PCDHA1: variants seen among roughly 807,000 people sequenced by gnomAD.
The protein encoded by PCDHA1 is protocadherin alpha 1.
PCDHA1 carries 42 observed loss-of-function variants against 61.3 expected under a neutral mutation model. That is an observed-to-expected ratio of 0.69 (90% confidence interval 0.54 to 0.89). The LOEUF (loss-of-function observed/expected upper bound fraction) is 0.89. PCDHA1 is among the 40% of genes least tolerant of loss of function. The probability of loss-of-function intolerance (pLI) is 0.00; values close to 1 mark genes in which losing one functional copy is unlikely to be tolerated. For missense variants in PCDHA1, 1,256 were observed against 1,235.3 expected (o/e 1.02, Z -0.25); for synonymous variants, 610 against 553.8 (o/e 1.10, Z -1.43).
At chr5:140,958,810 G>T (rs2095443726) in intron 1 of PCDHA1, among the ~76,000 whole-genome samples, 1 of 151,988 alleles carries the variant, frequency 6.6e-6, no homozygotes, top group Non-Finnish European at 1.5e-5. Context: ...ACACCATTCT[G>T]TTTTAATTTT....
At chr5:140,912,810 A>G (rs887666910) in intron 1 of PCDHA1, among the ~76,000 whole-genome samples, 16 of 152,202 alleles carry the variant, frequency 1.1e-4, no homozygotes, top group African/African-American at 3.6e-4. Flanking sequence ...GGTTTTTATC[A>G]TAAAGGGATT....
At chr5:140,818,367 A>C (rs1766343282) in intron 1 of PCDHA1, among the ~76,000 whole-genome samples, 1 of 152,220 alleles carries the variant, frequency 6.6e-6, no homozygotes, top group African/African-American at 2.4e-5. Context: ...TTGAATTCTT[A>C]ACTTGAATCG....
intron 3 of PCDHA1, among the ~76,000 whole-genome samples, chr5:141,004,893 C>A (rs1339074840): frequency 1.3e-5 from 2 of 152,154 alleles, no homozygotes; most frequent in African/African-American, 4.8e-5. Flanking sequence ...ATTGTGTCAG[C>A]TCTGCCAGGG....
intron 1 of PCDHA1, chr5:140,877,657 G>A: frequency 6.2e-7 from 1 of 1,613,570 alleles, no homozygotes; most frequent in Non-Finnish European, 8.5e-7. Flanking sequence ...GCCGCCCACC[G>A]TGAGCCGGTG....
In PCDHA1 at chr5:140,797,390, T is replaced by C. The variant is rs782688551; in HGVS notation, c.2394+8706T>C. The C allele has an allele frequency of 4.4e-6, 7 of 1,584,260 alleles. No individual in the cohort carries two copies. In the Middle Eastern group the frequency reaches 5.1e-4, roughly 115 times the overall value. On this transcript the variant is annotated intron_variant, in intron 1 of 3. Transcript: ENST00000504120. The stretch of plus-strand genomic sequence containing the variant: ...CTTTTTCTTGCCAATTCTAAAATTG[T>C]TCTTTTTAAAAAATTCTATATGATT...
intron 1 of PCDHA1, among the ~76,000 whole-genome samples, chr5:140,961,654 T>G (rs1554225528): frequency 6.6e-6 from 1 of 152,194 alleles, no homozygotes; most frequent in East Asian, 1.9e-4. Context: ...TGTGGTTAGT[T>G]TGAAGTTACC....
chr5:140,863,186 TG>T, intron 1 of PCDHA1: 1 of 771,164 alleles, frequency 1.3e-6, no homozygotes, highest in Non-Finnish European at 2.2e-6. Flanking sequence ...ACCGTCACCG[TG>T]GTGGCGTCGC....
chr5:140,877,172 C>T, intron 1 of PCDHA1: 2 of 1,613,816 alleles, frequency 1.2e-6, no homozygotes, highest in Non-Finnish European at 1.7e-6. Flanking sequence ...GCACTGCTGG[C>T]GACTCCGGCT....
At chr5:140,802,922 C>A in intron 1 of PCDHA1, 2 of 1,613,734 alleles carry the variant, frequency 1.2e-6, no homozygotes, top group Non-Finnish European at 1.7e-6. Flanking sequence ...GCATCGGTGG[C>A]GCAGTGAGCG....
chr5:140,795,617 G>A, intron 1 of PCDHA1: 3 of 1,614,154 alleles, frequency 1.9e-6, no homozygotes, highest in Non-Finnish European at 2.5e-6. Flanking sequence ...ACTGATGGGG[G>A]CAAACCTGAG....
At chr5:140,887,263 A>AT (rs1336620900) in intron 1 of PCDHA1, among the ~76,000 whole-genome samples, 1 of 151,790 alleles carries the variant, frequency 6.6e-6, no homozygotes, top group Non-Finnish European at 1.5e-5. Flanking sequence ...CGCCCTGCTA[A>AT]TTTTTTGTAT....
intron 1 of PCDHA1, among the ~76,000 whole-genome samples, chr5:140,798,703 G>A (rs1202479092): frequency 1.3e-5 from 2 of 152,144 alleles, no homozygotes; most frequent in Admixed American, 1.3e-4. Context: ...AAAAGATGAG[G>A]CCTGGTCTTG....
intron 1 of PCDHA1, chr5:140,869,196 C>G (rs2050913789): frequency 6.2e-7 from 1 of 1,614,030 alleles, no homozygotes; most frequent in Non-Finnish European, 8.5e-7. Flanking sequence ...GCGGCCAGCT[C>G]CACTACTCCG....
At chr5:140,898,573 T>C (rs1161265188) in intron 1 of PCDHA1, among the ~76,000 whole-genome samples, 3 of 152,250 alleles carry the variant, frequency 2.0e-5, no homozygotes, top group Non-Finnish European at 4.4e-5. Flanking sequence ...ACCAGTGCCA[T>C]GCTGTTTTGG....
At position 140,848,936 on chromosome 5, in the gene PCDHA1, G is replaced by T. The variant is rs2150425486; in HGVS notation, c.2394+60252G>T. On this transcript the variant is annotated intron_variant, in intron 1 of 3. Coordinates refer to ENST00000504120, the MANE Select transcript of PCDHA1 (RefSeq NM_018900.4). ...ATCTGTTCATCGCGGAATCCAGGCC[G>T]CTTGACTCTCGGTTTCCACTAGAGG... The T allele has an allele frequency of 3.7e-6, 6 of 1,607,362 alleles. 1 individual carries two copies. The highest frequency in any genetic ancestry group is 4.5e-5 in the East Asian group (2 of 44,818).
intron 1 of PCDHA1, chr5:140,871,329 C>A (rs1164407502): frequency 6.2e-7 from 1 of 1,613,942 alleles, no homozygotes; most frequent in African/African-American, 1.3e-5. Flanking sequence ...TGTGCTCCCG[C>A]GCGGTGGGGA....
intron 1 of PCDHA1, among the ~76,000 whole-genome samples, chr5:140,913,052 A>G (rs1554195709): frequency 6.6e-6 from 1 of 151,874 alleles, no homozygotes; most frequent in African/African-American, 2.4e-5. Context: ...CTGGAGTTTT[A>G]TTTTATTTTG....
At chr5:140,874,079 T>C (rs1397045171) in intron 1 of PCDHA1, among the ~76,000 whole-genome samples, 2 of 152,234 alleles carry the variant, frequency 1.3e-5, no homozygotes, top group African/African-American at 4.8e-5. Flanking sequence ...CCTGATGACA[T>C]CAAAATTCAA....
intron 1 of PCDHA1, chr5:140,870,247 G>C (rs2051798085): frequency 5.6e-6 from 9 of 1,614,024 alleles, no homozygotes; most frequent in Admixed American, 1.7e-5. Flanking sequence ...AGGTGTCAAC[G>C]GACAGGTGAC....
Sources: allele counts gnomAD v4.1 joint callset (sites outside exome capture counted in the v4.1 genomes callset), GRCh38; gene constraint gnomAD v4.1.1; transcripts MANE v1.5; gene names NCBI Gene and HGNC (gene_info 2026-07-23, HGNC 2026-07-21).